Variants in NID1 observed in about 807,000 individuals in gnomAD.
The protein encoded by NID1 is nidogen-1.
Under a neutral mutation model 130.6 loss-of-function variants are expected in NID1, and 76 were observed. That is an observed-to-expected ratio of 0.58 (90% CI 0.48 to 0.70). The LOEUF is 0.70. Ranked by LOEUF, NID1 falls within the 30% of genes least tolerant of loss-of-function variation. The pLI is 0.00. For synonymous variants in NID1, 665 were observed against 675.1 expected (o/e 0.98, Z 0.23); for missense variants, 1,517 against 1,664.8 (o/e 0.91, Z 1.54).
chr1:236,013,076 T>G (rs1658480203), intron 11 of NID1, among the ~76,000 whole-genome samples: 1 of 152,208 alleles, frequency 6.6e-6, no homozygotes, highest in African/African-American at 2.4e-5. Context: ...AGGATAGACT[T>G]TAATCTCCAT....
chr1:235,995,774 G>T (rs977732175), intron 12 of NID1, among the ~76,000 whole-genome samples: 2 of 152,268 alleles, frequency 1.3e-5, no homozygotes, highest in South Asian at 2.1e-4. Flanking sequence ...GGGTGATCTG[G>T]GCTTGCCCAC....
chr1:236,042,061 C>T lies in NID1; in HGVS notation c.984G>A (p.Val328=), dbSNP rs1659468519. The T allele has an allele frequency of 6.2e-7, 1 of 1,614,146 alleles. No homozygotes were observed. The highest frequency in any genetic ancestry group is 8.5e-7 in the Non-Finnish European group (1 of 1,180,036). The change falls in exon 4 of 20, where the codon GTG becomes GTA. Residue 328 remains valine (V), a synonymous_variant. Coordinates refer to ENST00000264187, the MANE Select transcript of NID1 (RefSeq NM_002508.3). ...LRRGGADTYS[V]PSVLSPRRAA... ...CCCGGCGCGGGGAGAGGACGCTGGG[C>T]ACACTGTATGTGTCAGCACCTCCCC... is the stretch of plus-strand genomic sequence containing the variant.
intron 15 of NID1, among the ~76,000 whole-genome samples, chr1:235,984,929 C>T (rs1657530305): frequency 6.6e-6 from 1 of 152,152 alleles, no homozygotes; most frequent in Non-Finnish European, 1.5e-5. Context: ...GTGGCTCACA[C>T]CTGTAATCCC....
intron 1 of NID1, among the ~76,000 whole-genome samples, chr1:236,052,052 C>T (rs578173814): frequency 1.4e-3 from 213 of 152,320 alleles, no homozygotes; most frequent in African/African-American, 4.9e-3. Flanking sequence ...GCTCGATCGT[C>T]TGTGATAATG....
rs143595681 is a variant in NID1 at position 236,017,128 on chromosome 1, A to G, written c.2254+20T>C. ...CACACCATGTGAATACTGTTTCGAA[A>G]AGTTACCTGGAGAACTTACCCACAC... On this transcript the variant is annotated intron_variant, in intron 10 of 19. Coordinates refer to ENST00000264187, the MANE Select transcript of NID1 (RefSeq NM_002508.3). 6.2e-6 allele frequency: 10 copies of G among 1,613,934 alleles called. No homozygotes were observed. The highest frequency in any genetic ancestry group is 8.5e-6 in the Non-Finnish European group (10 of 1,179,890).
intron 12 of NID1, among the ~76,000 whole-genome samples, chr1:236,010,685 A>G (rs1367251008): frequency 6.6e-6 from 1 of 152,230 alleles, no homozygotes; most frequent in Non-Finnish European, 1.5e-5. Flanking sequence ...GCAGCCATAG[A>G]CTATACATAA....
intron 19 of NID1, among the ~76,000 whole-genome samples, chr1:235,978,560 C>A (rs1657340531): frequency 6.6e-6 from 1 of 152,184 alleles, no homozygotes; most frequent in Admixed American, 6.5e-5. Context: ...CATGAACTAA[C>A]AAATACAAAG....
intron 1 of NID1, among the ~76,000 whole-genome samples, chr1:236,055,105 C>A (rs1430798056): frequency 6.6e-6 from 1 of 151,982 alleles, no homozygotes; most frequent in South Asian, 2.1e-4. Flanking sequence ...GAGATCGAGA[C>A]CATCCTGGGT....
rs758809303 is a variant in NID1, at chr1:235,979,848, C to A, written c.3483G>T (p.Lys1161Asn). ...QYPFAVTSYGKNLYFTDWKMN... is the reference protein window; with the variant it reads ...QYPFAVTSYGNNLYFTDWKMN... ...TCTTCCAGTCTGTGAAATACAGATT[C>A]TTCCCGTAGCTCGTCACAGCAAAAG... The change falls in exon 18 of 20, where the codon AAG becomes AAT. Residue 1161 changes from lysine to asparagine, a missense_variant. Physicochemically the swap from Lys to Asn is moderately conservative, Grantham distance 94. Coordinates refer to ENST00000264187, the MANE Select transcript of NID1 (RefSeq NM_002508.3). This position sits in a 1 kb window ranked among gnomAD's most constrained non-coding sequence, Gnocchi z 4.6. The A allele has an allele frequency of 2.0e-5, 32 of 1,613,982 alleles. No individual in the cohort carries two copies. In the East Asian group the frequency reaches 7.1e-4, roughly 36 times the overall value.
intron 14 of NID1, among the ~76,000 whole-genome samples, chr1:235,989,690 G>GC (rs1421068508): frequency 6.6e-6 from 1 of 152,254 alleles, no homozygotes; most frequent in Non-Finnish European, 1.5e-5. Flanking sequence ...AGCATAAAGA[G>GC]CTAGAGAGCA....
chr1:236,031,050 T>G (rs980724347), intron 6 of NID1, among the ~76,000 whole-genome samples: 3 of 152,162 alleles, frequency 2.0e-5, no homozygotes, highest in Non-Finnish European at 2.9e-5. Context: ...GCCTGTGGAC[T>G]AGGAAGAAAA....
chr1:236,049,029 G>C, intron 1 of NID1, 40 bp from the exon 2 acceptor site: 1 of 1,598,284 alleles, frequency 6.3e-7, no homozygotes, highest in Non-Finnish European at 8.5e-7. Context: ...ATGCAGAAAC[G>C]GGTCCTTTCT....
chr1:236,044,510 C>T (rs1659543889), intron 3 of NID1, among the ~76,000 whole-genome samples: 3 of 152,208 alleles, frequency 2.0e-5, no homozygotes, highest in Middle Eastern at 6.8e-3. Flanking sequence ...ACTTGGCCAT[C>T]GTAGGAGTAT....
chr1:236,064,714 A>G (rs1660143278), intron 1 of NID1, 141 bp downstream of exon 1: 1 of 716,468 alleles, frequency 1.4e-6, no homozygotes, highest in Non-Finnish European at 2.3e-6. Flanking sequence ...CAGAGGCGGG[A>G]GACCCTGCGC....
chr1:235,980,348 G>T, intron 17 of NID1, 148 bp downstream of exon 17: 1 of 753,822 alleles, frequency 1.3e-6, no homozygotes, highest in Non-Finnish European at 2.1e-6. Context: ...TATATTTAAT[G>T]TACCAGATAA....
chr1:236,039,936 C>T (rs1659399719), intron 4 of NID1, among the ~76,000 whole-genome samples: 1 of 152,224 alleles, frequency 6.6e-6, no homozygotes, highest in South Asian at 2.1e-4. Flanking sequence ...CACTACTGGC[C>T]ACAGAAGACT....
chr1:235,987,462 AACTTCCTGTGGCTCTGATT>A (rs1490521391), intron 14 of NID1, among the ~76,000 whole-genome samples: 2 of 152,234 alleles, frequency 1.3e-5, no homozygotes, highest in Admixed American at 6.5e-5. Flanking sequence ...ATACCTTTCC[AACTTCCTGTGGCTCTGATT>A]ACTTCAAAAT....
At chr1:236,047,374 T>A (rs966893648) in intron 2 of NID1, among the ~76,000 whole-genome samples, 5 of 152,226 alleles carry the variant, frequency 3.3e-5, no homozygotes, top group African/African-American at 1.2e-4. Context: ...CTTCCTCATT[T>A]TCCTATAAAG....
chr1:236,039,377 C>T (rs1037061320), intron 4 of NID1, among the ~76,000 whole-genome samples: 3 of 151,490 alleles, frequency 2.0e-5, no homozygotes, highest in Non-Finnish European at 4.4e-5. Flanking sequence ...TTGTGCCTGG[C>T]TTATATTCTT....
Sources: gnomAD v4.1 joint callset for allele counts (sites outside exome capture counted in the v4.1 genomes callset) on GRCh38, gnomAD v4.1.1 for gene constraint, Gnocchi (gnomAD v3.1) non-coding constraint, MANE v1.5 for transcripts, NCBI Gene and HGNC (gene_info 2026-07-23, HGNC 2026-07-21) for gene names.